Variants in TAS2R4 observed in about 807,000 individuals in gnomAD.
TAS2R4 encodes the protein taste 2 receptor member 4.
A neutral mutation model predicts 14.3 loss-of-function variants in TAS2R4; 18 were observed. The ratio of observed to expected loss-of-function variants is 1.26; its 90% CI spans 0.87 to 1.86. TAS2R4 has a LOEUF of 1.86. TAS2R4 is among the 40% of genes most tolerant of loss of function. The pLI is 0.00. For synonymous variants in TAS2R4, 130 were observed against 138.5 expected (o/e 0.94, Z 0.43); for missense variants, 306 against 342.7 (o/e 0.89, Z 0.85).
In TAS2R4 at chr7:141,780,974, T is replaced by C. The variant is rs528981750; in HGVS notation, c.*1586T>C. Among the ~76,000 whole-genome samples the C allele has an allele frequency of 6.7e-6, 1 of 149,504 alleles. No homozygotes were observed. The highest frequency in any genetic ancestry group is 2.7e-4 in the South Asian group (1 of 3,704). ...ACTGAGAGTGATTAAATGCATACTA[T>C]GTCTTAAGAACTCTAAATGAGTGGC... is the stretch of plus-strand genomic sequence containing the variant. On this transcript the variant is annotated 3_prime_UTR_variant, in exon 1 of 1. Coordinates refer to ENST00000247881, the MANE Select transcript of TAS2R4 (RefSeq NM_016944.2).
In TAS2R4 at chr7:141,776,987, T is replaced by C. The variant is rs1800251483; in HGVS notation, c.-1502T>C. On this transcript the variant is annotated 5_prime_UTR_variant, in exon 1 of 1. Coordinates refer to ENST00000247881, the MANE Select transcript of TAS2R4 (RefSeq NM_016944.2). Reference sequence around the variant, plus strand: ...AGTTTGTTACTATCTAATTCTGGGATTCCTGCTCTTTTGGCCACATTTATC... The same window carrying C: ...AGTTTGTTACTATCTAATTCTGGGACTCCTGCTCTTTTGGCCACATTTATC... 6.6e-6 allele frequency among the ~76,000 whole-genome samples: 1 copy of C among 152,224 alleles called. No individual in the cohort carries two copies. Among genetic ancestry groups the C allele is most frequent in the African/African-American group, 2.4e-5 (1 of 41,456 alleles).
In TAS2R4 at chr7:141,778,766, C is replaced by T. The variant is rs144626340; in HGVS notation, c.278C>T (p.Ser93Leu). 56 of 1,614,018 alleles carry T rather than the reference C, an allele frequency of 3.5e-5. No individual in the cohort carries two copies. The highest frequency in any genetic ancestry group is 2.7e-4 in the African/African-American group (20 of 74,904). Residue 93 changes from serine (S) to leucine (L), a missense_variant, in exon 1 of 1, where the codon TCG (serine) becomes TTG (leucine). By Grantham distance (145) the Ser-to-Leu change is moderately radical. Coordinates refer to ENST00000247881, the MANE Select transcript of TAS2R4 (RefSeq NM_016944.2). ...GTGTTGTGTTTCATGTTTTTGGACT[C>T]GAGCAGTGTCTGGTTTGTGACCTTG... ...FFVLCFMFLD[S>L]SSVWFVTLLN...
rs115638874 is a variant in TAS2R4 at position 141,776,945 on chromosome 7, T to A, written c.-1544T>A. ...CTACAGAGAACCCAACAATTTGGTA[T>A]AGTACATTCTAGATAGAGTTTGTTA... On this transcript the variant is annotated 5_prime_UTR_variant, in exon 1 of 1. The change creates a premature stop within an existing upstream ORF in the 5' untranslated region. Coordinates refer to ENST00000247881, the MANE Select transcript of TAS2R4 (RefSeq NM_016944.2). Among the ~76,000 whole-genome samples, 329 of 152,326 alleles carry A rather than the reference T, an allele frequency of 2.2e-3. 2 individuals are homozygous for A. The highest frequency in any genetic ancestry group is 7.7e-3 in the African/African-American group (319 of 41,576).
At position 141,778,692 on chromosome 7, in the gene TAS2R4, C is replaced by G. The variant is rs1229899418; in HGVS notation, c.204C>G (p.Tyr68Ter). Residue 68 changes from tyrosine (Y) to a stop codon, truncating the protein, a stop_gained, in exon 1 of 1, where the codon TAC becomes TAG. Coordinates refer to ENST00000247881, the MANE Select transcript of TAS2R4 (RefSeq NM_016944.2). LOFTEE classifies it high-confidence loss of function. The part of the protein sequence containing the change: ...MLGLFLVNTI[Y>*]FVSSNTERSV... ...GACTATTTCTGGTGAACACCATCTA[C>G]TTCGTCTCTTCAAATACGGAAAGGT... 6.2e-7 allele frequency: 1 copy of G among 1,614,222 alleles called. No individual in the cohort carries two copies. Among genetic ancestry groups the G allele is most frequent in the African/African-American group, 1.3e-5 (1 of 75,042 alleles).
rs1358364204 is a variant in TAS2R4 at position 141,777,856 on chromosome 7, G to T, written c.-633G>T. ...GAAAGAATGGGATTAATTGAGAAAGGTTTTCTCAAGGAGGTATTGGGTCTT... is the reference window on the plus strand; with the variant it reads ...GAAAGAATGGGATTAATTGAGAAAGTTTTTCTCAAGGAGGTATTGGGTCTT... On this transcript the variant is annotated 5_prime_UTR_variant, in exon 1 of 1. Coordinates refer to ENST00000247881, the MANE Select transcript of TAS2R4 (RefSeq NM_016944.2). Among the ~76,000 whole-genome samples, 1 of 152,184 alleles carries T rather than the reference G, an allele frequency of 6.6e-6. No individual in the cohort carries two copies. Among genetic ancestry groups the T allele is most frequent in the Admixed American group, 6.5e-5 (1 of 15,286 alleles).
In TAS2R4 at chr7:141,778,603, C is replaced by G. The variant is rs1563038966; in HGVS notation, c.115C>G (p.His39Asp). ...VVNCKTWVKS[H>D]RISSSDRILF... ...CAATTGCAAAACTTGGGTCAAAAGC[C>G]ATAGAATCTCCTCTTCTGATAGGAT... The change falls in exon 1 of 1, where the codon CAT becomes GAT. Residue 39 changes from histidine to aspartate, a missense_variant. His to Asp is a moderately conservative substitution (Grantham distance 81). Coordinates refer to ENST00000247881, the MANE Select transcript of TAS2R4 (RefSeq NM_016944.2). 1 of 1,614,192 alleles carries G rather than the reference C, an allele frequency of 6.2e-7. No homozygotes were observed. The highest frequency in any genetic ancestry group is 1.7e-5 in the Admixed American group (1 of 60,024).
In TAS2R4 at chr7:141,779,677, T is replaced by C; in HGVS notation, c.*289T>C. 1 of 302,852 alleles carries C rather than the reference T, an allele frequency of 3.3e-6. No individual in the cohort carries two copies. The highest frequency in any genetic ancestry group is 6.8e-5 in the East Asian group (1 of 14,658). 18.8% of individuals were successfully genotyped at this position (302,852 alleles called of 1,614,324 possible). ...TGGAAATCATCACATTGTTTCATTG[T>C]CTATTGAAGTATAATGGGAAATTCT... On this transcript the variant is annotated 3_prime_UTR_variant, in exon 1 of 1. Transcript: ENST00000247881.
Position 141,777,156 on chromosome 7 carries a change from T to C in TAS2R4, c.-1333T>C, listed in dbSNP as rs1162736645. ...TCCTTTTAGTCATAGTCTTCCTGGC[T>C]CATTCTGTTTGCCTGCTTACCTGAT... On this transcript the variant is annotated 5_prime_UTR_variant, in exon 1 of 1. Transcript: ENST00000247881. Among the ~76,000 whole-genome samples, 1 of 152,226 alleles carries C rather than the reference T, an allele frequency of 6.6e-6. No homozygotes were observed. Among genetic ancestry groups the C allele is most frequent in the African/African-American group, 2.4e-5 (1 of 41,456 alleles).
chr7:141,781,375 C>G lies in TAS2R4; in HGVS notation c.*1987C>G, dbSNP rs1328529476. Among the ~76,000 whole-genome samples, 4 of 152,200 alleles carry G rather than the reference C, an allele frequency of 2.6e-5. No individual in the cohort carries two copies. The highest frequency in any genetic ancestry group is 5.9e-5 in the Non-Finnish European group (4 of 68,028). On this transcript the variant is annotated 3_prime_UTR_variant, in exon 1 of 1. Transcript: ENST00000247881. ...AACTCCAGGACTGTTGATGAGAAAT[C>G]AGTGTCTCCATTCTTTCAGGTGCTG...
chr7:141,779,348 T>C lies in TAS2R4; in HGVS notation c.860T>C (p.Leu287Pro). ...CTCATTATTATCACACATCCTAAAC[T>C]GAAAACAACAGCAAAGAAGATTCTT... ...SVLIIITHPKLKTTAKKILCF... is the reference protein window; with the variant it reads ...SVLIIITHPKPKTTAKKILCF... The change falls in exon 1 of 1, where the codon CTG (leucine) becomes CCG (proline). Residue 287 changes from leucine to proline, a missense_variant. By Grantham distance (98) the Leu-to-Pro change is moderately conservative. Transcript: ENST00000247881. The C allele has an allele frequency of 6.2e-7, 1 of 1,609,954 alleles. No individual in the cohort carries two copies. The highest frequency in any genetic ancestry group is 8.5e-7 in the Non-Finnish European group (1 of 1,177,578).
rs764332652 is a variant in TAS2R4 at position 141,779,202 on chromosome 7, C to T, written c.714C>T (p.Leu238=). 7 of 1,614,168 alleles carry T rather than the reference C, an allele frequency of 4.3e-6. No individual in the cohort carries two copies. Among genetic ancestry groups the T allele is most frequent in the Non-Finnish European group, 5.9e-6 (7 of 1,180,014 alleles). Reference sequence around the variant, plus strand: ...AGCTGATGGTCTATTTCCTCATCCTCTACATTCCATATTCAGTTGCTACCC... The same window carrying T: ...AGCTGATGGTCTATTTCCTCATCCTTTACATTCCATATTCAGTTGCTACCC... The part of the protein sequence containing the change: ...AMKLMVYFLI[L]YIPYSVATLV... Residue 238 remains leucine, a synonymous_variant, in exon 1 of 1, where the codon CTC becomes CTT. Transcript: ENST00000247881.
rs1223740961 is a variant in TAS2R4, at chr7:141,780,305, A to C, written c.*917A>C. On this transcript the variant is annotated 3_prime_UTR_variant, in exon 1 of 1. Coordinates refer to ENST00000247881, the MANE Select transcript of TAS2R4 (RefSeq NM_016944.2). ...TGTGCTATTCCTAGCAAGAAACCCT[A>C]AGGTTTCTAGGCTTGTTCTGGAAAA... The C allele has an allele frequency of 6.6e-6, 1 of 152,172 alleles. No individual in the cohort carries two copies. Among genetic ancestry groups the C allele is most frequent in the Non-Finnish European group, 1.5e-5 (1 of 68,026 alleles). 9.4% of individuals were successfully genotyped at this position (152,172 alleles called of 1,614,324 possible).
At position 141,780,636 on chromosome 7, in the gene TAS2R4, C is replaced by T. The variant is rs1404598301; in HGVS notation, c.*1248C>T. The stretch of plus-strand genomic sequence containing the variant: ...ACAGTTCTTCTCCAGAATGTTGTTT[C>T]TGTGGCTGGGACCATTGGACTGTGG... On this transcript the variant is annotated 3_prime_UTR_variant, in exon 1 of 1. Coordinates refer to ENST00000247881, the MANE Select transcript of TAS2R4 (RefSeq NM_016944.2). The T allele has an allele frequency of 1.3e-5, 2 of 152,166 alleles. No homozygotes were observed. Among genetic ancestry groups the T allele is most frequent in the Non-Finnish European group, 2.9e-5 (2 of 68,036 alleles). 9.4% of individuals were successfully genotyped at this position (152,166 alleles called of 1,614,324 possible).
chr7:141,780,617 C>G lies in TAS2R4; in HGVS notation c.*1229C>G, dbSNP rs1459579599. 1 of 151,948 alleles carries G rather than the reference C, an allele frequency of 6.6e-6. No individual in the cohort carries two copies. Among genetic ancestry groups the G allele is most frequent in the Non-Finnish European group, 1.5e-5 (1 of 67,958 alleles). The allele number at this position is 151,948 out of a possible 1,614,324, so 9.4% of individuals were successfully genotyped here. On this transcript the variant is annotated 3_prime_UTR_variant, in exon 1 of 1. Coordinates refer to ENST00000247881, the MANE Select transcript of TAS2R4 (RefSeq NM_016944.2). ...TTATACATTTGTACACAGCACAGTT[C>G]TTCTCCAGAATGTTGTTTCTGTGGC...
Position 141,779,099 on chromosome 7 carries a change from G to A in TAS2R4, c.611G>A (p.Arg204Lys). ...GCTTCCTTGCTAATACACTCCTTGAGGAGACATATACAGAAGATGCAGAAA... is the reference window on the plus strand; with the variant it reads ...GCTTCCTTGCTAATACACTCCTTGAAGAGACATATACAGAAGATGCAGAAA... ...TSASLLIHSL[R>K]RHIQKMQKNA... The change falls in exon 1 of 1, where the codon AGG becomes AAG. Residue 204 changes from arginine (R) to lysine (K), a missense_variant. Transcript: ENST00000247881. 4 of 1,614,204 alleles carry A rather than the reference G, an allele frequency of 2.5e-6. No individual in the cohort carries two copies. Among genetic ancestry groups the A allele is most frequent in the African/African-American group, 1.3e-5 (1 of 75,038 alleles).
rs1257032668 is a variant in TAS2R4, at chr7:141,777,282, A to G, written c.-1207A>G. On this transcript the variant is annotated 5_prime_UTR_variant, in exon 1 of 1. Transcript: ENST00000247881. ...ATTTCTCCAGGCTAGGCTTCCTGTCATCTGTCTTAAAGGGCCTCATGAATG... is the reference window on the plus strand; with the variant it reads ...ATTTCTCCAGGCTAGGCTTCCTGTCGTCTGTCTTAAAGGGCCTCATGAATG... 3.3e-5 allele frequency among the ~76,000 whole-genome samples: 5 copies of G among 152,272 alleles called. 1 individual carries two copies. The highest frequency in any genetic ancestry group is 1.2e-4 in the African/African-American group (5 of 41,558).
At position 141,778,710 on chromosome 7, in the gene TAS2R4, G is replaced by A. The variant is rs114970464; in HGVS notation, c.222G>A (p.Thr74=). Residue 74 remains threonine (T), a synonymous_variant, in exon 1 of 1, where the codon ACG becomes ACA. Transcript: ENST00000247881. ...VNTIYFVSSN[T]ERSVYLSAFF... The stretch of plus-strand genomic sequence containing the variant: ...CCATCTACTTCGTCTCTTCAAATAC[G>A]GAAAGGTCAGTCTACCTGTCTGCTT... 3.0e-4 allele frequency: 492 copies of A among 1,614,162 alleles called. 2 individuals are homozygous for A. The African/African-American group carries it at 5.3e-3, about 17-fold the overall frequency.
Position 141,776,962 on chromosome 7 carries a change from A to G in TAS2R4, c.-1527A>G, listed in dbSNP as rs751327165. On this transcript the variant is annotated 5_prime_UTR_variant, in exon 1 of 1. Coordinates refer to ENST00000247881, the MANE Select transcript of TAS2R4 (RefSeq NM_016944.2). ...ATTTGGTATAGTACATTCTAGATAG[A>G]GTTTGTTACTATCTAATTCTGGGAT... 2.0e-5 allele frequency among the ~76,000 whole-genome samples: 3 copies of G among 152,034 alleles called. No individual in the cohort carries two copies. The South Asian group carries it at 6.2e-4, about 32-fold the overall frequency.
At position 141,779,399 on chromosome 7, in the gene TAS2R4, G is replaced by T; in HGVS notation, c.*11G>T. 1 of 1,588,492 alleles carries T rather than the reference G, an allele frequency of 6.3e-7. No homozygotes were observed. Among genetic ancestry groups the T allele is most frequent in the Non-Finnish European group, 8.6e-7 (1 of 1,165,046 alleles). On this transcript the variant is annotated 3_prime_UTR_variant, in exon 1 of 1. Coordinates refer to ENST00000247881, the MANE Select transcript of TAS2R4 (RefSeq NM_016944.2). ...TGTTTCAAAAAATAGTGGAATTTCA[G>T]TAAACAATACCTAGATTTACCTGAT...
Sources: gnomAD v4.1 joint callset for allele counts (sites outside exome capture counted in the v4.1 genomes callset) on GRCh38, gnomAD v4.1.1 for gene constraint, MANE v1.5 for transcripts, NCBI Gene and HGNC (gene_info 2026-07-23, HGNC 2026-07-21) for gene names.